SWAP70: variants seen among roughly 807,000 people sequenced by gnomAD.
The protein encoded by SWAP70 is switch-associated protein 70.
A neutral mutation model predicts 80.2 loss-of-function variants in SWAP70; 34 were observed. The ratio of observed to expected loss-of-function variants is 0.42; its 90% CI spans 0.32 to 0.56. SWAP70 has a LOEUF of 0.56. Among genes scored for constraint, SWAP70 ranks in the 20% least tolerant of loss-of-function variants. SWAP70 has a pLI of 0.09. For synonymous variants in SWAP70, 239 were observed against 238.5 expected, an observed-to-expected ratio of 1.00 and a Z score of -0.02; for missense variants, 578 against 690.7, an observed-to-expected ratio of 0.84 and a Z score of 1.83.
At chr11:9,669,427 A>C (rs748973434) in intron 1 of SWAP70, among the ~76,000 whole-genome samples, 131 of 152,238 alleles carry the variant, frequency 8.6e-4, no homozygotes, top group Non-Finnish European at 1.7e-3. Context: ...ACAGGGTTTC[A>C]CCATGTTGGC....
intron 2 of SWAP70, among the ~76,000 whole-genome samples, chr11:9,709,583 A>G (rs948583248): frequency 3.3e-5 from 5 of 152,116 alleles, no homozygotes; most frequent in Non-Finnish European, 5.9e-5. Context: ...GGCATGTAGT[A>G]GTGCGATCTC....
intron 4 of SWAP70, among the ~76,000 whole-genome samples, chr11:9,727,378 G>A (rs1851239264): frequency 6.6e-6 from 1 of 152,000 alleles, no homozygotes; most frequent in African/African-American, 2.4e-5. Context: ...GCGACAGAGC[G>A]ACACTCCTAA....
intron 1 of SWAP70, among the ~76,000 whole-genome samples, chr11:9,676,436 A>G (rs1850501338): frequency 6.6e-6 from 1 of 152,162 alleles, no homozygotes; most frequent in Non-Finnish European, 1.5e-5. Flanking sequence ...GACTCCCTGC[A>G]GATACCAAAA....
In SWAP70 at chr11:9,738,169, A is replaced by G. The variant is rs375059096; in HGVS notation, c.1081-44A>G. ...GTCTCTCTCTCTTTAATGTACTTCT[A>G]CTCTAACACCTGCTTTTCTGTGGAT... is the stretch of plus-strand genomic sequence containing the variant. On this transcript the variant is annotated intron_variant, in intron 7 of 11. Transcript: ENST00000318950. 1,109 of 1,446,608 alleles carry G rather than the reference A, an allele frequency of 7.7e-4. 10 individuals carry two copies. In the South Asian group the frequency reaches 0.012, roughly 16 times the overall value. The allele number at this position is 1,446,608 out of a possible 1,614,324, so 89.6% of individuals were successfully genotyped here. A position where few individuals can be genotyped will look rare whatever the true frequency, so the allele number is the denominator to read the frequency against.
chr11:9,733,978 G>T (rs951544747), intron 7 of SWAP70, among the ~76,000 whole-genome samples: 1 of 152,100 alleles, frequency 6.6e-6, no homozygotes, highest in African/African-American at 2.4e-5. Flanking sequence ...TCCCTTATCC[G>T]AAATGCTTAT....
At position 9,694,218 on chromosome 11, in the gene SWAP70, G is replaced by A; in HGVS notation, c.172G>A (p.Asp58Asn). 1.2e-6 allele frequency: 2 copies of A among 1,613,268 alleles called. No homozygotes were observed. Among genetic ancestry groups the A allele is most frequent in the African/African-American group, 1.3e-5 (1 of 75,010 alleles). The part of the protein sequence containing the change: ...DPVALEEHFR[D>N]DDEGPVSNQG... ...AGTTGCCCTTGAAGAGCACTTCAGG[G>A]ATGATGATGAGGGTCCAGTGTCCAA... The change falls in exon 2 of 12, where the codon GAT becomes AAT. Residue 58 changes from aspartate to asparagine, a missense_variant. Asp to Asn is a conservative substitution (Grantham distance 23). Coordinates refer to ENST00000318950, the MANE Select transcript of SWAP70 (RefSeq NM_015055.4).
Position 9,679,197 on chromosome 11 carries a change from C to T in SWAP70, c.99+14919C>T, listed in dbSNP as rs560406434. ...CTTAAGACTCTTCTGTTTTCTGTAC[C>T]TTTTGCTTCTTTAGGAATAATTAGC... On this transcript the variant is annotated intron_variant, in intron 1 of 11. Transcript: ENST00000318950. Among the ~76,000 whole-genome samples the T allele has an allele frequency of 5.9e-5, 9 of 152,188 alleles. No individual in the cohort carries two copies. The East Asian group carries it at 1.7e-3, about 29-fold the overall frequency.
At chr11:9,672,195 C>CTATATATATATA (rs57590750) in intron 1 of SWAP70, among the ~76,000 whole-genome samples, 2,864 of 78,278 alleles carry the variant, frequency 0.037, 203 homozygotes, top group East Asian at 0.043. Context: ...ATGTGTGTGT[C>CTATATATATATA]TATATATATA....
chr11:9,671,830 TA>T (rs1308429561), intron 1 of SWAP70, among the ~76,000 whole-genome samples: 1 of 96,274 alleles, frequency 1.0e-5, no homozygotes, highest in Non-Finnish European at 1.9e-5. Flanking sequence ...ATATATAATA[TA>T]ATAATATATA....
In SWAP70 at chr11:9,722,418, G is replaced by A. The variant is rs182173680; in HGVS notation, c.415-2240G>A. Among the ~76,000 whole-genome samples, 4 of 152,326 alleles carry A rather than the reference G, an allele frequency of 2.6e-5. No homozygotes were observed. In the East Asian group the frequency reaches 5.8e-4, roughly 22 times the overall value. On this transcript the variant is annotated intron_variant, in intron 3 of 11. Coordinates refer to ENST00000318950, the MANE Select transcript of SWAP70 (RefSeq NM_015055.4). ...ACCTAGAAAAGGAACACGTGACCTG[G>A]GTTAGGGTTGGTCAGAGCAGGTTTG...
chr11:9,729,683 G>A (rs573019512), intron 6 of SWAP70, among the ~76,000 whole-genome samples: 1 of 152,136 alleles, frequency 6.6e-6, no homozygotes, highest in African/African-American at 2.4e-5. Flanking sequence ...TAGTAGAGAC[G>A]GGGTTTCACC....
chr11:9,709,327 C>T (rs939093785), intron 2 of SWAP70, among the ~76,000 whole-genome samples: 1 of 152,080 alleles, frequency 6.6e-6, no homozygotes, highest in African/African-American at 2.4e-5. Context: ...TAAGATGTCG[C>T]TATATTGCCT....
Position 9,751,334 on chromosome 11 carries a change from T to C in SWAP70, c.*1364T>C, listed in dbSNP as rs181208070. ...GGGATCATAGTTTATATGCATCTGA[T>C]TTGAAAGGAGTATTGAGGAAGGTTT... On this transcript the variant is annotated 3_prime_UTR_variant, in exon 12 of 12. Coordinates refer to ENST00000318950, the MANE Select transcript of SWAP70 (RefSeq NM_015055.4). 1.3e-3 allele frequency: 193 copies of C among 152,316 alleles called. No homozygotes were observed. Among genetic ancestry groups the C allele is most frequent in the African/African-American group, 4.2e-3 (174 of 41,570 alleles). The allele number at this position is 152,316 out of a possible 1,614,324, so 9.4% of individuals were successfully genotyped here. A position where few individuals can be genotyped will look rare whatever the true frequency, so the allele number is the denominator to read the frequency against.
chr11:9,713,452 T>G lies in SWAP70; in HGVS notation c.241-14T>G, dbSNP rs1386214275. 1.4e-5 allele frequency: 23 copies of G among 1,605,088 alleles called. No homozygotes were observed. Among genetic ancestry groups the G allele is most frequent in the African/African-American group, 2.7e-5 (2 of 74,174 alleles). On this transcript the variant is annotated splice_polypyrimidine_tract_variant and intron_variant, in intron 2 of 11. Transcript: ENST00000318950. ...CGGACTGATTTGTTGGAGTTTTTCCTTATTCCTTTTTAGGTCCAAGACAAC... is the reference window on the plus strand; with the variant it reads ...CGGACTGATTTGTTGGAGTTTTTCCGTATTCCTTTTTAGGTCCAAGACAAC...
chr11:9,677,036 C>A (rs1850510549), intron 1 of SWAP70, among the ~76,000 whole-genome samples: 1 of 151,422 alleles, frequency 6.6e-6, no homozygotes, highest in Non-Finnish European at 1.5e-5. Context: ...GGAGGGCCAA[C>A]TGTATTTCTC....
intron 1 of SWAP70, among the ~76,000 whole-genome samples, chr11:9,685,655 G>A (rs946084115): frequency 6.6e-6 from 1 of 151,214 alleles, no homozygotes; most frequent in Non-Finnish European, 1.5e-5. Flanking sequence ...TTGAGACGGA[G>A]TCTTGTCTTG....
intron 2 of SWAP70, among the ~76,000 whole-genome samples, chr11:9,709,146 CAGA>C (rs1850961860): frequency 6.6e-6 from 1 of 151,924 alleles, no homozygotes; most frequent in African/African-American, 2.4e-5. Flanking sequence ...CCCCCTCAGA[CAGA>C]GTCTCACTTT....
At position 9,729,269 on chromosome 11, in the gene SWAP70, T is replaced by G. The variant is rs975199844; in HGVS notation, c.790-74T>G. On this transcript the variant is annotated intron_variant, in intron 5 of 11. Transcript: ENST00000318950. ...CATTGACATTAAGTTTCAGCTCATT[T>G]TTATAAATAATTCAAATTGAATTTC... 18 of 938,432 alleles carry G rather than the reference T, an allele frequency of 1.9e-5. No individual in the cohort carries two copies. The African/African-American group carries it at 3.0e-4, about 16-fold the overall frequency. The allele number at this position is 938,432 out of a possible 1,614,324, so 58.1% of individuals were successfully genotyped here. A position where few individuals can be genotyped will look rare whatever the true frequency, so the allele number is the denominator to read the frequency against.
At position 9,749,965 on chromosome 11, in the gene SWAP70, G is replaced by C; in HGVS notation, c.1753G>C (p.Glu585Gln). The C allele has an allele frequency of 6.2e-7, 1 of 1,610,616 alleles. No individual in the cohort carries two copies. The highest frequency in any genetic ancestry group is 8.5e-7 in the Non-Finnish European group (1 of 1,176,940). ...GAACTGGAAAGAGAAAAAGACCACG[G>C]AGTGACTGAGCTTGCTGGCAGTCAC... ...EKNWKEKKTT[E>Q] Residue 585 changes from glutamate to glutamine, a missense_variant, in exon 12 of 12, where the codon GAG (glutamate) becomes CAG (glutamine). Physicochemically the swap from Glu to Gln is conservative, Grantham distance 29. Transcript: ENST00000318950.
Sources: allele counts gnomAD v4.1 joint callset (sites outside exome capture counted in the v4.1 genomes callset), GRCh38; gene constraint gnomAD v4.1.1; transcripts MANE v1.5; gene names NCBI Gene and HGNC (gene_info 2026-07-23, HGNC 2026-07-21).